IL1RAPL2: variants seen among roughly 807,000 people sequenced by gnomAD.
IL1RAPL2 encodes the protein interleukin 1 receptor accessory protein like 2.
Under a neutral mutation model 44.1 loss-of-function variants are expected in IL1RAPL2, and 3 were observed. The observed-to-expected ratio is 0.07, with a 90% CI of 0.03 to 0.18. The LOEUF (loss-of-function observed/expected upper bound fraction) is 0.18, where lower values mean the gene tolerates loss of function less well. IL1RAPL2 is among the 10% of genes least tolerant of loss of function. The pLI, the probability that IL1RAPL2 is intolerant of heterozygous loss-of-function variation, is 1.00. For synonymous variants in IL1RAPL2, 181 were observed against 178.8 expected, an observed-to-expected ratio of 1.01 and a Z score of -0.10; for missense variants, 391 against 496.4, an observed-to-expected ratio of 0.79 and a Z score of 2.02.
intron 5 of IL1RAPL2, among the ~76,000 whole-genome samples, chrX:105,274,412 G>A (rs2147660061): frequency 8.9e-6 from 1 of 112,360 alleles, no homozygotes; most frequent in South Asian, 3.7e-4. Context: ...AATTTATATT[G>A]AGAATATTCC....
chrX:105,084,070 G>C (rs2032448534), intron 2 of IL1RAPL2, among the ~76,000 whole-genome samples: 1 of 112,556 alleles, frequency 8.9e-6, no homozygotes, highest in Non-Finnish European at 1.9e-5. Flanking sequence ...CCTCTGCCTA[G>C]ATTTCAGAGG....
At chrX:105,431,015 A>G (rs2035843648) in intron 5 of IL1RAPL2, among the ~76,000 whole-genome samples, 1 of 112,376 alleles carries the variant, frequency 8.9e-6, no homozygotes, top group Non-Finnish European at 1.9e-5. Flanking sequence ...TCATGAAGTC[A>G]TATGCTAGCT....
rs1922871440 is a variant in IL1RAPL2, at chrX:104,875,232, G to A, written c.82+216237G>A. On this transcript the variant is annotated intron_variant, in intron 2 of 10. Coordinates refer to ENST00000372582, the MANE Select transcript of IL1RAPL2 (RefSeq NM_017416.2). ...TCTTCTTGTGAACTTCTAGGGAAAT[G>A]TATGGCTTAGAGACACTACAATCCT... is the stretch of plus-strand genomic sequence containing the variant. Among the ~76,000 whole-genome samples the A allele has an allele frequency of 2.7e-5, 3 of 111,245 alleles. No individual in the cohort carries two copies. In the Admixed American group the frequency reaches 2.9e-4, roughly 11 times the overall value.
chrX:105,534,210 G>A (rs1426442176), intron 6 of IL1RAPL2, among the ~76,000 whole-genome samples: 14 of 111,640 alleles, frequency 1.3e-4, no homozygotes, highest in Non-Finnish European at 5.7e-5. Context: ...TTGCAAGCTG[G>A]TTGTTATACA....
intron 8 of IL1RAPL2, among the ~76,000 whole-genome samples, chrX:105,747,405 T>A (rs1000852765): frequency 1.9e-5 from 2 of 104,352 alleles, no homozygotes; most frequent in African/African-American, 7.0e-5. Context: ...GACATTTATT[T>A]GTGTTTCTTA....
intron 2 of IL1RAPL2, among the ~76,000 whole-genome samples, chrX:104,970,847 A>C (rs749471340): frequency 8.9e-6 from 1 of 111,773 alleles, no homozygotes; most frequent in South Asian, 3.8e-4. Flanking sequence ...GGCCCTTCCT[A>C]CCACCAGAGG....
intron 1 of IL1RAPL2, among the ~76,000 whole-genome samples, chrX:104,617,557 G>C (rs770938180): frequency 1.8e-5 from 2 of 111,842 alleles, no homozygotes; most frequent in South Asian, 7.5e-4. Context: ...CTTTGTTCTT[G>C]TATTTATTTT....
intron 5 of IL1RAPL2, among the ~76,000 whole-genome samples, chrX:105,483,517 ACT>A (rs1188020061): frequency 1.8e-5 from 2 of 110,564 alleles, no homozygotes; most frequent in Non-Finnish European, 3.8e-5. Flanking sequence ...AATCTTCTCC[ACT>A]CTCTGCCTTT....
At chrX:105,672,299 A>G (rs1014844478) in intron 6 of IL1RAPL2, among the ~76,000 whole-genome samples, 4 of 112,061 alleles carry the variant, frequency 3.6e-5, no homozygotes, top group African/African-American at 1.3e-4. Context: ...ATACTGCTCC[A>G]TCAGGGAAAA....
At chrX:105,403,068 T>A (rs988215) in intron 5 of IL1RAPL2, among the ~76,000 whole-genome samples, 21,623 of 111,404 alleles carry the variant, frequency 0.19, 5,053 homozygotes, top group African/African-American at 0.67. Context: ...TGGTTCATAT[T>A]GAACTGCATG....
At chrX:104,710,586 G>A (rs1362795331) in intron 2 of IL1RAPL2, among the ~76,000 whole-genome samples, 1 of 111,303 alleles carries the variant, frequency 9.0e-6, no homozygotes, top group Non-Finnish European at 1.9e-5. Context: ...CGTACTGAAT[G>A]CCACTGAATT....
chrX:104,767,016 G>T (rs764648820), intron 2 of IL1RAPL2, among the ~76,000 whole-genome samples: 1 of 112,035 alleles, frequency 8.9e-6, no homozygotes, highest in South Asian at 3.8e-4. Flanking sequence ...GAGAATATTT[G>T]CTTGTCAGGT....
intron 5 of IL1RAPL2, among the ~76,000 whole-genome samples, chrX:105,432,331 G>A (rs1356809827): frequency 4.6e-5 from 5 of 108,999 alleles, no homozygotes; most frequent in Non-Finnish European, 9.5e-5. Context: ...TTTCCCATGT[G>A]AGTGTGTCTT....
At chrX:105,307,095 C>T (rs753807195) in intron 5 of IL1RAPL2, among the ~76,000 whole-genome samples, 4 of 108,348 alleles carry the variant, frequency 3.7e-5, no homozygotes, top group African/African-American at 1.0e-4. Context: ...ATAAAACCAT[C>T]AGATCTCATG....
intron 2 of IL1RAPL2, among the ~76,000 whole-genome samples, chrX:105,120,677 C>A (rs1333695988): frequency 1.8e-5 from 2 of 111,885 alleles, no homozygotes; most frequent in Non-Finnish European, 1.9e-5. Flanking sequence ...TTTATCTGTG[C>A]TGTCACCTAA....
chrX:105,722,519 C>G (rs2038314293), intron 7 of IL1RAPL2, among the ~76,000 whole-genome samples: 1 of 111,426 alleles, frequency 9.0e-6, no homozygotes, highest in African/African-American at 3.3e-5. Context: ...AAAAAAATTG[C>G]TAATCATACT....
chrX:105,093,778 G>A (rs189082889), intron 2 of IL1RAPL2, among the ~76,000 whole-genome samples: 76 of 111,821 alleles, frequency 6.8e-4, no homozygotes, highest in Admixed American at 5.4e-3. Flanking sequence ...ACCTTAGAGC[G>A]AGGCACACCA....
chrX:104,730,761 T>C (rs1410722079), intron 2 of IL1RAPL2, among the ~76,000 whole-genome samples: 11 of 109,606 alleles, frequency 1.0e-4, no homozygotes, highest in African/African-American at 3.6e-4. Context: ...CTGGGTCAAA[T>C]GGAATTTCTA....
chrX:105,717,635 A>C, intron 7 of IL1RAPL2, 139 bp downstream of exon 7: 1 of 486,891 alleles, frequency 2.1e-6, no homozygotes, highest in Non-Finnish European at 3.1e-6. Context: ...AAGAAATGCC[A>C]ATGTGTAAGC....
Sources: gnomAD v4.1 joint callset for allele counts (sites outside exome capture counted in the v4.1 genomes callset) on GRCh38, gnomAD v4.1.1 for gene constraint, MANE v1.5 for transcripts, NCBI Gene and HGNC (gene_info 2026-07-23, HGNC 2026-07-21) for gene names.